SNTG2: variants seen among roughly 807,000 people sequenced by gnomAD.
SNTG2 encodes syntrophin gamma 2.
Under a neutral mutation model 70.9 loss-of-function variants are expected in SNTG2, and 74 were observed. The ratio of observed to expected loss-of-function variants is 1.04; its 90% CI spans 0.86 to 1.27. The LOEUF is 1.27. Among genes scored for constraint, SNTG2 ranks in the 50% most tolerant of loss-of-function variants. The pLI is 0.00. For missense variants in SNTG2, 717 were observed against 690.7 expected, an observed-to-expected ratio of 1.04 and a Z score of -0.43; for synonymous variants, 278 against 273.8, an observed-to-expected ratio of 1.02 and a Z score of -0.15.
chr2:1,072,337 C>CTTTTT (rs1553319303), intron 1 of SNTG2, among the ~76,000 whole-genome samples: 1 of 120,664 alleles, frequency 8.3e-6, no homozygotes, highest in African/African-American at 3.0e-5. Context: ...TTTTTCTTTT[C>CTTTTT]TTTTTCTTTT....
At chr2:1,357,103 TC>T (rs1558229293) in intron 16 of SNTG2, among the ~76,000 whole-genome samples, 1 of 152,188 alleles carries the variant, frequency 6.6e-6, no homozygotes, top group African/African-American at 2.4e-5. Context: ...AGATTATGTT[TC>T]TACAGAGATA....
At chr2:1,292,271 A>G (rs559863392) in intron 14 of SNTG2, among the ~76,000 whole-genome samples, 4 of 151,940 alleles carry the variant, frequency 2.6e-5, no homozygotes, top group African/African-American at 9.7e-5. Flanking sequence ...AGGGTTTTCT[A>G]TATGTAAGAA....
At chr2:1,024,124 A>G (rs1660347004) in intron 1 of SNTG2, among the ~76,000 whole-genome samples, 1 of 152,170 alleles carries the variant, frequency 6.6e-6, no homozygotes, top group African/African-American at 2.4e-5. Context: ...GGTGCCTGCC[A>G]GGGAAGCTTC....
At chr2:967,957 G>A (rs533227007) in intron 1 of SNTG2, among the ~76,000 whole-genome samples, 4 of 151,978 alleles carry the variant, frequency 2.6e-5, no homozygotes, top group Admixed American at 1.3e-4. Context: ...CCCAGGAGAC[G>A]GAGGTTGCTG....
At chr2:1,071,214 CG>C (rs1167119108) in intron 1 of SNTG2, among the ~76,000 whole-genome samples, 2 of 151,606 alleles carry the variant, frequency 1.3e-5, no homozygotes, top group African/African-American at 2.4e-5. Context: ...ATGTTTATTG[CG>C]GCATTACTCA....
chr2:1,016,657 G>A (rs1223586002), intron 1 of SNTG2, among the ~76,000 whole-genome samples: 2 of 152,246 alleles, frequency 1.3e-5, no homozygotes. Context: ...AGGAATTTAT[G>A]CTGAACAGGT....
intron 4 of SNTG2, among the ~76,000 whole-genome samples, chr2:1,106,451 CG>C (rs761686253): frequency 1.0e-5 from 1 of 100,044 alleles, no homozygotes; most frequent in African/African-American, 4.0e-5. Context: ...TGCTGTCACT[CG>C]GGTGCAGGGT....
chr2:1,016,604 A>G (rs1328682932), intron 1 of SNTG2, among the ~76,000 whole-genome samples: 1 of 152,236 alleles, frequency 6.6e-6, no homozygotes, highest in African/African-American at 2.4e-5. Flanking sequence ...GGCTGCCTCC[A>G]GCAGAGACCG....
chr2:993,418 C>T (rs1156574532), intron 1 of SNTG2, among the ~76,000 whole-genome samples: 1 of 152,030 alleles, frequency 6.6e-6, no homozygotes, highest in Admixed American at 6.6e-5. Flanking sequence ...AGCTGATAGA[C>T]TTTGGGTTGT....
chr2:1,181,409 G>T (rs547497344), intron 8 of SNTG2, among the ~76,000 whole-genome samples: 1 of 152,218 alleles, frequency 6.6e-6, no homozygotes, highest in South Asian at 2.1e-4. Flanking sequence ...TGCTTTGTTG[G>T]CTGCATTTTC....
At chr2:999,483 A>T (rs944754888) in intron 1 of SNTG2, among the ~76,000 whole-genome samples, 1 of 152,078 alleles carries the variant, frequency 6.6e-6, no homozygotes, top group Non-Finnish European at 1.5e-5. Context: ...AAAAACAATG[A>T]TGAGTAGTTA....
intron 15 of SNTG2, among the ~76,000 whole-genome samples, chr2:1,314,781 A>T (rs890090430): frequency 1.3e-5 from 2 of 152,222 alleles, no homozygotes; most frequent in Admixed American, 1.3e-4. Context: ...GAGGCCTCAC[A>T]ATCATGGCAG....
intron 14 of SNTG2, among the ~76,000 whole-genome samples, chr2:1,287,204 A>C (rs1252228376): frequency 6.6e-6 from 1 of 152,178 alleles, no homozygotes; most frequent in Non-Finnish European, 1.5e-5. Context: ...ATTGTTATCC[A>C]CATTTAAGGA....
chr2:1,078,153 T>A (rs1664048751), intron 1 of SNTG2, among the ~76,000 whole-genome samples: 1 of 152,174 alleles, frequency 6.6e-6, no homozygotes, highest in Non-Finnish European at 1.5e-5. Context: ...CCTGTGGCAT[T>A]CCGTTTGAGA....
intron 14 of SNTG2, among the ~76,000 whole-genome samples, chr2:1,268,056 C>T (rs1558617016): frequency 6.6e-6 from 1 of 152,218 alleles, no homozygotes; most frequent in South Asian, 2.1e-4. Context: ...AATTGCTTTT[C>T]TCTTCCTGAC....
intron 1 of SNTG2, chr2:1,059,210 C>G (rs1029674491): frequency 3.3e-5 from 5 of 152,226 alleles, no homozygotes; most frequent in African/African-American, 1.2e-4. Flanking sequence ...CAATGGACTC[C>G]TGGCACCTTC....
At chr2:974,763 G>A (rs1304038564) in intron 1 of SNTG2, among the ~76,000 whole-genome samples, 1 of 152,082 alleles carries the variant, frequency 6.6e-6, no homozygotes, top group South Asian at 2.1e-4. Flanking sequence ...TTTACTCTCT[G>A]GAATGTAGTT....
chr2:1,320,545 A>G (rs1004444588), intron 16 of SNTG2, among the ~76,000 whole-genome samples: 12 of 150,920 alleles, frequency 8.0e-5, no homozygotes, highest in African/African-American at 2.5e-4. Context: ...AAAAAAAAAA[A>G]AAAAAAAGAA....
chr2:975,495 T>TG (rs1660881134), intron 1 of SNTG2, among the ~76,000 whole-genome samples: 2 of 152,354 alleles, frequency 1.3e-5, no homozygotes, highest in South Asian at 4.1e-4. Context: ...AGAAAGTCTC[T>TG]GGGGCAAGGA....
Sources: gnomAD v4.1 joint callset for allele counts (sites outside exome capture counted in the v4.1 genomes callset) on GRCh38, gnomAD v4.1.1 for gene constraint, MANE v1.5 for transcripts, NCBI Gene and HGNC (gene_info 2026-07-23, HGNC 2026-07-21) for gene names.